PPIH: variants seen among roughly 807,000 people sequenced by gnomAD.
The protein encoded by PPIH is peptidyl-prolyl cis-trans isomerase H.
In PPIH, 16 loss-of-function variants were observed where a neutral mutation model predicts 27.6. That is an observed-to-expected ratio of 0.58 (90% CI 0.39 to 0.88). The LOEUF (loss-of-function observed/expected upper bound fraction) is 0.88, where lower values mean the gene tolerates loss of function less well. Among genes scored for constraint, PPIH ranks in the 40% least tolerant of loss-of-function variants. PPIH has a pLI of 0.00. For synonymous variants in PPIH, 63 were observed against 76.1 expected (o/e 0.83, Z 0.90); for missense variants, 155 against 224.1 (o/e 0.69, Z 1.97).
intron 9 of PPIH, among the ~76,000 whole-genome samples, chr1:42,669,194 C>CAAA (rs11297325): frequency 1.1e-4 from 14 of 131,542 alleles, no homozygotes; most frequent in East Asian, 6.7e-4. Context: ...TGGATGACAT[C>CAAA]AAAAAAAAAA....
At chr1:42,668,870 T>C (rs1479899069) in intron 9 of PPIH, among the ~76,000 whole-genome samples, 1 of 152,172 alleles carries the variant, frequency 6.6e-6, no homozygotes, top group Non-Finnish European at 1.5e-5. Context: ...AAATATGTCT[T>C]GAAAACTTTT....
intron 5 of PPIH, among the ~76,000 whole-genome samples, chr1:42,662,475 G>A (rs1379714760): frequency 6.6e-5 from 10 of 151,976 alleles, no homozygotes; most frequent in South Asian, 2.1e-4. Context: ...CTTGAGCCCA[G>A]GAGGTCAATT....
In PPIH at chr1:42,659,115, G is replaced by A. The variant is rs949419705; in HGVS notation, c.132-113G>A. 3 of 1,522,224 alleles carry A rather than the reference G, an allele frequency of 2.0e-6. No homozygotes were observed. The African/African-American group carries it at 4.1e-5, about 21-fold the overall frequency. The allele number at this position is 1,522,224 out of a possible 1,614,324, so 94.3% of individuals were successfully genotyped here. On this transcript the variant is annotated intron_variant, in intron 2 of 9. Transcript: ENST00000304979. ...TGTGTGACTGCGTGTCTGGACGTCT[G>A]GCTGGCCGATTGGTGGACTTGCTGG...
In PPIH at chr1:42,658,424, A is replaced by T. The variant is rs780503436; in HGVS notation, c.-23A>T. 6.2e-7 allele frequency: 1 copy of T among 1,608,684 alleles called. No individual in the cohort carries two copies. Among genetic ancestry groups the T allele is most frequent in the Non-Finnish European group, 8.5e-7 (1 of 1,175,114 alleles). ...GGTTCGCCGGAATCCCACGCTCCCG[A>T]CTTCTGCTTCCGGGTCGGAGCCATG... On this transcript the variant is annotated 5_prime_UTR_variant, in exon 1 of 10. Coordinates refer to ENST00000304979, the MANE Select transcript of PPIH (RefSeq NM_006347.4).
downstream of PPIH, chr1:42,678,898 G>C (rs1649960576): frequency 6.6e-6 from 1 of 152,280 alleles, no homozygotes; most frequent in African/African-American, 2.4e-5. Flanking sequence ...TAATATGCCA[G>C]ATCAACAAGG....
chr1:42,681,413 A>T (rs924959898), downstream of PPIH: 2 of 152,176 alleles, frequency 1.3e-5, no homozygotes, highest in Non-Finnish European at 2.9e-5. Context: ...TTGGCTGTTT[A>T]AATTTCTGCC....
At chr1:42,680,965 T>C (rs575978932), downstream of PPIH, among the ~76,000 whole-genome samples, 38 of 152,276 alleles carry the variant, frequency 2.5e-4, no homozygotes, top group African/African-American at 7.5e-4. Context: ...AGACTCTGAA[T>C]TGACATTTAG....
chr1:42,669,179 C>T (rs897161900), intron 9 of PPIH, among the ~76,000 whole-genome samples: 3 of 146,264 alleles, frequency 2.1e-5, no homozygotes, highest in African/African-American at 7.7e-5. Context: ...CACTGTACTC[C>T]AGCCTGGATG....
intron 5 of PPIH, among the ~76,000 whole-genome samples, chr1:42,663,003 T>G (rs1221181139): frequency 6.6e-6 from 1 of 152,236 alleles, no homozygotes; most frequent in Non-Finnish European, 1.5e-5. Flanking sequence ...TCACTATAGT[T>G]GAAGATAAGT....
chr1:42,659,334 G>A (rs773526851), intron 3 of PPIH, 83 bp downstream of exon 3: 2 of 1,614,226 alleles, frequency 1.2e-6, no homozygotes, highest in Admixed American at 3.3e-5. Flanking sequence ...TGAACCACCT[G>A]CTGGCCTTGA....
chr1:42,658,611 C>T, intron 1 of PPIH, 99 bp downstream of exon 1: 1 of 1,406,498 alleles, frequency 7.1e-7, no homozygotes, highest in Non-Finnish European at 1.0e-6. Flanking sequence ...GGAAGCCAGC[C>T]AGAAAGTGAA....
At chr1:42,679,321 C>T (rs1344885923), downstream of PPIH, among the ~76,000 whole-genome samples, 1 of 152,232 alleles carries the variant, frequency 6.6e-6, no homozygotes. Flanking sequence ...TCCCGAGTAG[C>T]TGGGATTACA....
intron 9 of PPIH, among the ~76,000 whole-genome samples, chr1:42,671,929 G>T (rs1302915462): frequency 2.0e-5 from 3 of 150,996 alleles, no homozygotes; most frequent in Non-Finnish European, 4.4e-5. Context: ...TGTCGCCCAG[G>T]CTAGAGTGCA....
At chr1:42,669,345 G>A (rs1010790121) in intron 9 of PPIH, among the ~76,000 whole-genome samples, 1 of 152,142 alleles carries the variant, frequency 6.6e-6, no homozygotes, top group Non-Finnish European at 1.5e-5. Context: ...TTCATGTGAT[G>A]GATCATAGTC....
chr1:42,677,682 T>C (rs945551706), downstream of PPIH, among the ~76,000 whole-genome samples: 3 of 152,050 alleles, frequency 2.0e-5, no homozygotes, highest in Non-Finnish European at 4.4e-5. Context: ...AAAAATTAGC[T>C]GAGTATGGTG....
intron 9 of PPIH, among the ~76,000 whole-genome samples, chr1:42,670,518 C>A (rs1205109560): frequency 1.3e-5 from 2 of 151,856 alleles, no homozygotes; most frequent in Non-Finnish European, 2.9e-5. Flanking sequence ...GATCATCAAC[C>A]CTCCCCGCTC....
downstream of PPIH, chr1:42,678,937 T>C (rs558048115): frequency 6.6e-6 from 1 of 152,380 alleles, no homozygotes; most frequent in Admixed American, 6.5e-5. Flanking sequence ...AAGAGGGAAC[T>C]GTGTTCTTAG....
intron 5 of PPIH, 72 bp from the exon 6 acceptor site, chr1:42,664,791 G>A (rs1342233331): frequency 7.5e-6 from 9 of 1,199,520 alleles, no homozygotes; most frequent in South Asian, 2.7e-5. Context: ...CTTTAGGTGC[G>A]ACAGTGTTCT....
intron 5 of PPIH, 63 bp from the exon 6 acceptor site, chr1:42,664,800 C>A: frequency 7.6e-7 from 1 of 1,308,534 alleles, no homozygotes; most frequent in Non-Finnish European, 1.1e-6. Flanking sequence ...CGACAGTGTT[C>A]TTCCTCCGGT....
Sources: allele counts gnomAD v4.1 joint callset (sites outside exome capture counted in the v4.1 genomes callset), GRCh38; gene constraint gnomAD v4.1.1; transcripts MANE v1.5; gene names NCBI Gene and HGNC (gene_info 2026-07-23, HGNC 2026-07-21).